Variants in RBM47 observed in about 807,000 individuals in gnomAD.
RBM47 encodes the protein RNA-binding protein 47.
A neutral mutation model predicts 47.1 loss-of-function variants in RBM47; 21 were observed. The ratio of observed to expected loss-of-function variants is 0.45; its 90% CI spans 0.32 to 0.64. RBM47 has a LOEUF of 0.64. RBM47 is among the 30% of genes least tolerant of loss of function. RBM47 has a pLI of 0.05. For synonymous variants in RBM47, 375 were observed against 361.7 expected (o/e 1.04, Z -0.42); for missense variants, 708 against 870.9 (o/e 0.81, Z 2.35).
At chr4:40,620,978 T>A (rs559274928) in intron 1 of RBM47, among the ~76,000 whole-genome samples, 17 of 151,508 alleles carry the variant, frequency 1.1e-4, no homozygotes, top group African/African-American at 3.9e-4. Context: ...TGTGATGATG[T>A]CTTCCAAATC....
intron 5 of RBM47, among the ~76,000 whole-genome samples, chr4:40,435,472 C>T (rs769127620): frequency 3.3e-5 from 5 of 152,078 alleles, no homozygotes; most frequent in East Asian, 1.9e-4. Context: ...TCGCTTAACC[C>T]GGGAGGTGGA....
intron 2 of RBM47, among the ~76,000 whole-genome samples, chr4:40,483,473 T>G (rs1229762396): frequency 6.6e-6 from 1 of 152,200 alleles, no homozygotes; most frequent in Non-Finnish European, 1.5e-5. Context: ...CTTCAAGTTC[T>G]CCTTGGCTGA....
chr4:40,553,056 C>G (rs377453466), intron 1 of RBM47, among the ~76,000 whole-genome samples: 2 of 151,712 alleles, frequency 1.3e-5, no homozygotes, highest in African/African-American at 4.8e-5. Flanking sequence ...CAACCTCCGC[C>G]TCCCGGGTTC....
chr4:40,522,169 T>C (rs918644141), intron 2 of RBM47, among the ~76,000 whole-genome samples: 2 of 152,114 alleles, frequency 1.3e-5, no homozygotes, highest in African/African-American at 4.8e-5. Flanking sequence ...CATGAAAATT[T>C]CCTTTTTATG....
chr4:40,585,532 A>G (rs1321112359), intron 1 of RBM47, among the ~76,000 whole-genome samples: 3 of 152,084 alleles, frequency 2.0e-5, no homozygotes, highest in Non-Finnish European at 4.4e-5. Flanking sequence ...ATAACTGCCT[A>G]TTGTTATAGG....
intron 6 of RBM47, among the ~76,000 whole-genome samples, chr4:40,428,662 T>A (rs891295702): frequency 6.6e-6 from 1 of 152,368 alleles, no homozygotes; most frequent in African/African-American, 2.4e-5. Flanking sequence ...GGGTTCAGGC[T>A]GCCCACTCCA....
intron 2 of RBM47, among the ~76,000 whole-genome samples, chr4:40,524,527 C>T (rs1243653210): frequency 6.6e-6 from 1 of 152,220 alleles, no homozygotes; most frequent in African/African-American, 2.4e-5. Context: ...ACCGTGAAAA[C>T]CAAGGCTGGA....
At chr4:40,466,922 C>T (rs1718139353) in intron 2 of RBM47, among the ~76,000 whole-genome samples, 2 of 152,000 alleles carry the variant, frequency 1.3e-5, no homozygotes, top group Non-Finnish European at 2.9e-5. Context: ...CTTAAAGAAA[C>T]AAGGAACAGT....
chr4:40,514,361 C>T (rs564685558), intron 2 of RBM47, among the ~76,000 whole-genome samples: 1 of 152,160 alleles, frequency 6.6e-6, no homozygotes, highest in South Asian at 2.1e-4. Flanking sequence ...TACAATTATC[C>T]GGGGACTCCG....
At chr4:40,428,054 G>A (rs920428269) in intron 6 of RBM47, among the ~76,000 whole-genome samples, 3 of 152,096 alleles carry the variant, frequency 2.0e-5, no homozygotes, top group African/African-American at 7.2e-5. Flanking sequence ...AGCCAGCCAT[G>A]GCGGTGCGTA....
intron 1 of RBM47, among the ~76,000 whole-genome samples, chr4:40,575,730 T>C (rs1732236864): frequency 6.6e-6 from 1 of 152,158 alleles, no homozygotes; most frequent in Admixed American, 6.5e-5. Context: ...AGGACTGTCC[T>C]GGTTTTAGCA....
chr4:40,507,288 A>T (rs904674341), intron 2 of RBM47, among the ~76,000 whole-genome samples: 2 of 152,126 alleles, frequency 1.3e-5, no homozygotes, highest in Non-Finnish European at 2.9e-5. Context: ...ACTTTAAAAT[A>T]CATGATTATT....
At chr4:40,429,734 TGAA>T (rs1715625012) in intron 6 of RBM47, among the ~76,000 whole-genome samples, 1 of 134,030 alleles carries the variant, frequency 7.5e-6, no homozygotes, top group African/African-American at 2.9e-5. Flanking sequence ...CTAATTCAGG[TGAA>T]GAGTCCCTGC....
intron 1 of RBM47, among the ~76,000 whole-genome samples, chr4:40,557,002 T>A (rs1730164912): frequency 6.6e-6 from 1 of 152,090 alleles, no homozygotes; most frequent in African/African-American, 2.4e-5. Context: ...TGTGCACATA[T>A]GAAAGTGTAC....
At chr4:40,500,565 T>G (rs1429638133) in intron 2 of RBM47, among the ~76,000 whole-genome samples, 1 of 151,938 alleles carries the variant, frequency 6.6e-6, no homozygotes, top group Non-Finnish European at 1.5e-5. Flanking sequence ...GAGCCATGAC[T>G]GTGCCTGGGT....
At chr4:40,600,999 A>AAG (rs1553907561) in intron 1 of RBM47, among the ~76,000 whole-genome samples, 4 of 147,364 alleles carry the variant, frequency 2.7e-5, no homozygotes, top group African/African-American at 7.9e-5. Flanking sequence ...AAAAAAAAAA[A>AAG]AAAGAAAGAA....
Position 40,568,841 on chromosome 4 carries a change from C to T in RBM47, c.-239-24335G>A, listed in dbSNP as rs950227436. 5.9e-5 allele frequency among the ~76,000 whole-genome samples: 9 copies of T among 151,654 alleles called. 1 individual carries two copies. Among genetic ancestry groups the T allele is most frequent in the Non-Finnish European group, 5.9e-5 (4 of 67,796 alleles). On this transcript the variant is annotated intron_variant, in intron 1 of 6. Coordinates refer to ENST00000295971, the MANE Select transcript of RBM47 (RefSeq NM_001098634.2). ...ACTAAAAATACAAAAATTAACTGGGCGTGCTGATGGGTGCCTGTAGTCCCA... is the reference window on the plus strand; with the variant it reads ...ACTAAAAATACAAAAATTAACTGGGTGTGCTGATGGGTGCCTGTAGTCCCA...
At chr4:40,556,747 G>A (rs895382859) in intron 1 of RBM47, among the ~76,000 whole-genome samples, 2 of 151,796 alleles carry the variant, frequency 1.3e-5, no homozygotes, top group South Asian at 2.1e-4. Context: ...AAAATTCACC[G>A]AGTATGGTGG....
chr4:40,514,895 C>A (rs781511371), intron 2 of RBM47: 5 of 151,854 alleles, frequency 3.3e-5, no homozygotes, highest in Non-Finnish European at 7.3e-5. Flanking sequence ...TTGTTCTAAT[C>A]CTCAAACAAG....
Sources: allele counts gnomAD v4.1 joint callset (sites outside exome capture counted in the v4.1 genomes callset), GRCh38; gene constraint gnomAD v4.1.1; transcripts MANE v1.5; gene names NCBI Gene and HGNC (gene_info 2026-07-23, HGNC 2026-07-21).